Variants in RASGRF2 observed in about 807,000 individuals in gnomAD.
RASGRF2 encodes Ras protein specific guanine nucleotide releasing factor 2.
In RASGRF2, 76 loss-of-function variants were observed where a neutral mutation model predicts 151.0. The observed-to-expected ratio is 0.50, with a 90% CI of 0.42 to 0.61. The LOEUF is 0.61. Among genes scored for constraint, RASGRF2 ranks in the 20% least tolerant of loss-of-function variants. The probability of loss-of-function intolerance (pLI) is 0.00; values close to 1 mark genes in which losing one functional copy is unlikely to be tolerated. For synonymous variants in RASGRF2, 504 were observed against 566.5 expected, an observed-to-expected ratio of 0.89 and a Z score of 1.57; for missense variants, 1,148 against 1,564.6, an observed-to-expected ratio of 0.73 and a Z score of 4.49.
Position 81,049,910 on chromosome 5 carries a change from A to G in RASGRF2, c.395+6927A>G, listed in dbSNP as rs1750958438. On this transcript the variant is annotated intron_variant, in intron 2 of 26. Transcript: ENST00000265080. The stretch of plus-strand genomic sequence containing the variant: ...TATTTTTCTATATTGAACTATCTAT[A>G]TATCATCTCTCCCTGGGTGCTCAGA... 1.3e-5 allele frequency among the ~76,000 whole-genome samples: 2 copies of G among 152,172 alleles called. 1 individual carries two copies. Among genetic ancestry groups the G allele is most frequent in the South Asian group, 4.1e-4 (2 of 4,834 alleles).
At chr5:81,159,336 A>C (rs535111309) in intron 17 of RASGRF2, among the ~76,000 whole-genome samples, 5 of 152,356 alleles carry the variant, frequency 3.3e-5, no homozygotes, top group South Asian at 2.1e-4. Flanking sequence ...TTGCAGTGCC[A>C]AAGCAGCAAC....
At chr5:81,221,274 C>G (rs1480816987) in intron 26 of RASGRF2, among the ~76,000 whole-genome samples, 1 of 152,086 alleles carries the variant, frequency 6.6e-6, no homozygotes, top group Non-Finnish European at 1.5e-5. Flanking sequence ...ATTATGCCTG[C>G]CTCTCCTTGA....
intron 1 of RASGRF2, among the ~76,000 whole-genome samples, chr5:81,016,992 C>T (rs938948599): frequency 1.3e-5 from 2 of 152,180 alleles, no homozygotes; most frequent in Admixed American, 6.5e-5. Flanking sequence ...AGTATGACCA[C>T]ACTGGGTCGT....
At chr5:81,201,178 C>T (rs186810423) in intron 18 of RASGRF2, 152 bp from the exon 19 acceptor site, 44 of 1,263,112 alleles carry the variant, frequency 3.5e-5, no homozygotes, top group Admixed American at 2.5e-4. Flanking sequence ...CCAATTAAAT[C>T]GGGACCCTAG....
At chr5:81,195,281 T>C (rs17227806) in intron 18 of RASGRF2, among the ~76,000 whole-genome samples, 9,811 of 152,234 alleles carry the variant, frequency 0.064, 419 homozygotes, top group Middle Eastern at 0.11. Flanking sequence ...GGGTACGTCT[T>C]ATTCCACCGT....
chr5:81,065,788 C>G (rs1275551065), intron 2 of RASGRF2, among the ~76,000 whole-genome samples: 2 of 152,122 alleles, frequency 1.3e-5, no homozygotes, highest in Non-Finnish European at 2.9e-5. Flanking sequence ...CTTAGTTTTT[C>G]TCTTCATGGA....
intron 2 of RASGRF2, among the ~76,000 whole-genome samples, chr5:81,047,666 A>C (rs422765): frequency 0.18 from 27,529 of 152,240 alleles, 2,615 homozygotes; most frequent in Admixed American, 0.26. Context: ...GGTGTTTGGC[A>C]AGGGCCTGAC....
At chr5:81,002,345 C>G (rs188576708) in intron 1 of RASGRF2, among the ~76,000 whole-genome samples, 8 of 152,066 alleles carry the variant, frequency 5.3e-5, no homozygotes, top group East Asian at 3.9e-4. Context: ...TTGTTTTGAT[C>G]GAAGTATTTA....
At chr5:81,055,610 G>A (rs1188908239) in intron 2 of RASGRF2, among the ~76,000 whole-genome samples, 2 of 152,162 alleles carry the variant, frequency 1.3e-5, no homozygotes. Context: ...GTGTGTCTCT[G>A]CCAGGCTTTG....
intron 18 of RASGRF2, among the ~76,000 whole-genome samples, chr5:81,189,731 G>C (rs967174618): frequency 5.0e-5 from 4 of 79,576 alleles, no homozygotes; most frequent in African/African-American, 1.9e-4. Context: ...TTTTTTTTCA[G>C]AGACAGAGTC....
At chr5:81,186,270 G>A (rs575576060) in intron 18 of RASGRF2, among the ~76,000 whole-genome samples, 15 of 151,976 alleles carry the variant, frequency 9.9e-5, no homozygotes, top group African/African-American at 3.6e-4. Flanking sequence ...CTCTGTATAC[G>A]CCCATGTAAC....
chr5:81,113,805 A>C lies in RASGRF2; in HGVS notation c.2355A>C (p.Pro785=), dbSNP rs1196506967. ...CACCACCACACACTGGTCAGATACC[A>C]CTGGATCTCAGCAGAGGCCTCTCTT... ...ASPPPHTGQI[P]LDLSRGLSSP... The change falls in exon 15 of 27, where the codon CCA becomes CCC. Residue 785 remains proline, a synonymous_variant. Transcript: ENST00000265080. 6.2e-7 allele frequency: 1 copy of C among 1,614,124 alleles called. No homozygotes were observed. Among genetic ancestry groups the C allele is most frequent in the Non-Finnish European group, 8.5e-7 (1 of 1,180,018 alleles).
At chr5:80,996,592 C>CT (rs528004461) in intron 1 of RASGRF2, among the ~76,000 whole-genome samples, 31 of 98,026 alleles carry the variant, frequency 3.2e-4, no homozygotes, top group African/African-American at 7.5e-4. Flanking sequence ...CCTCCTCTTT[C>CT]TTTTTTTTTT....
rs1174399384 is a variant in RASGRF2, at chr5:81,068,097, T to C, written c.461T>C (p.Val154Ala). 2 of 1,613,892 alleles carry C rather than the reference T, an allele frequency of 1.2e-6. No individual in the cohort carries two copies. Among genetic ancestry groups the C allele is most frequent in the Non-Finnish European group, 1.7e-6 (2 of 1,179,872 alleles). Residue 154 changes from valine (V) to alanine (A), a missense_variant, in exon 3 of 27, where the codon GTA becomes GCA. By Grantham distance (64) the Val-to-Ala change is moderately conservative. Around this residue, in one of 5 missense-constraint regions of RASGRF2, gnomAD observed 221 missense variants for 271.3 expected, o/e 0.81. Transcript: ENST00000265080. ...AAGTACATTCATCTAGTTCAGATCGTAGAGACAGAAAAAATTGCAGCTAAC... is the reference window on the plus strand; with the variant it reads ...AAGTACATTCATCTAGTTCAGATCGCAGAGACAGAAAAAATTGCAGCTAAC... ...MQKYIHLVQI[V>A]ETEKIAANQL...
intron 18 of RASGRF2, among the ~76,000 whole-genome samples, chr5:81,185,168 CAG>C (rs978880841): frequency 1.3e-5 from 2 of 152,196 alleles, no homozygotes; most frequent in African/African-American, 2.4e-5. Context: ...GGGAGATTTC[CAG>C]AGAGAGGCAT....
At chr5:81,112,966 AC>A in intron 14 of RASGRF2, 108 bp downstream of exon 14, 2 of 1,411,362 alleles carry the variant, frequency 1.4e-6, no homozygotes, top group Non-Finnish European at 1.9e-6. Context: ...CCTAGGGTGT[AC>A]TAGCTTGCCT....
intron 26 of RASGRF2, among the ~76,000 whole-genome samples, chr5:81,222,942 G>C (rs1755885527): frequency 6.6e-6 from 1 of 152,172 alleles, no homozygotes; most frequent in Non-Finnish European, 1.5e-5. Context: ...ATAGCAACTT[G>C]ACATGCAAAA....
At chr5:80,971,872 C>A (rs1747947808) in intron 1 of RASGRF2, among the ~76,000 whole-genome samples, 1 of 151,700 alleles carries the variant, frequency 6.6e-6, no homozygotes, top group Admixed American at 6.6e-5. Context: ...CACTCCACCC[C>A]AGCTAATTTT....
In RASGRF2 at chr5:81,073,353, A is replaced by G. The variant is rs980718311; in HGVS notation, c.788A>G (p.Tyr263Cys). Residue 263 changes from tyrosine to cysteine, a missense_variant, in exon 5 of 27, where the codon TAC becomes TGC. Physicochemically the swap from Tyr to Cys is radical, Grantham distance 194. This residue lies in a region of RASGRF2 where 176 missense variants were observed against 309.6 expected (regional missense o/e 0.57). Transcript: ENST00000265080. ...EAESEYVHQL[Y>C]ILVNGFLRPL... ...GAGTCAGAGTACGTTCACCAGCTCTACATCCTGGTCAATGGCTTTCTCCGG... is the reference window on the plus strand; with the variant it reads ...GAGTCAGAGTACGTTCACCAGCTCTGCATCCTGGTCAATGGCTTTCTCCGG... The G allele has an allele frequency of 1.2e-6, 2 of 1,614,166 alleles. No homozygotes were observed. The highest frequency in any genetic ancestry group is 1.3e-5 in the African/African-American group (1 of 75,064).
Sources: gnomAD v4.1 joint callset for allele counts (sites outside exome capture counted in the v4.1 genomes callset) on GRCh38, gnomAD v4.1.1 for gene constraint, gnomAD v4.1.1 regional missense constraint, MANE v1.5 for transcripts, NCBI Gene and HGNC (gene_info 2026-07-23, HGNC 2026-07-21) for gene names.